LRRC4C: variants seen among roughly 807,000 people sequenced by gnomAD.
The protein encoded by LRRC4C is leucine rich repeat containing 4C, also known as leucine-rich repeat-containing protein 4C.
In LRRC4C, 5 loss-of-function variants were observed where a neutral mutation model predicts 33.6. The ratio of observed to expected loss-of-function variants is 0.15; its 90% CI spans 0.08 to 0.31. LRRC4C has a LOEUF of 0.31. Ranked by LOEUF, LRRC4C falls within the 10% of genes least tolerant of loss-of-function variation. LRRC4C has a pLI of 1.00. For synonymous variants in LRRC4C, 329 were observed against 302.0 expected (o/e 1.09, Z -0.93); for missense variants, 560 against 796.7 (o/e 0.70, Z 3.58).
At position 40,987,650 on chromosome 11, in the gene LRRC4C, TATCTC is replaced by T. The variant is rs199815273; in HGVS notation, c.-495-53932_-495-53928del. ...GTAATGATATATATATATATATATA[TATCTC>T]ATATATATGAGATATAAATGATATA... On this transcript the variant is annotated intron_variant, in intron 1 of 6. Transcript: ENST00000528697. Among the ~76,000 whole-genome samples, 175 of 46,140 alleles carry T rather than the reference TATCTC, an allele frequency of 3.8e-3. 10 individuals carry two copies. The highest frequency in any genetic ancestry group is 0.012 in the African/African-American group (153 of 12,534). The allele number at this position is 46,140 out of a possible 152,430, so 30.3% of individuals were successfully genotyped here.
At chr11:41,301,260 G>A (rs997777369) in intron 1 of LRRC4C, among the ~76,000 whole-genome samples, 6 of 152,084 alleles carry the variant, frequency 3.9e-5, no homozygotes, top group East Asian at 3.9e-4. Flanking sequence ...TTGGAATTAC[G>A]TCATTTACTT....
intron 2 of LRRC4C, among the ~76,000 whole-genome samples, chr11:40,917,095 G>A (rs932437303): frequency 1.3e-5 from 2 of 152,028 alleles, no homozygotes; most frequent in African/African-American, 4.8e-5. Flanking sequence ...TGTTTCCCAG[G>A]AGTGTTAATG....
At chr11:40,813,615 A>G (rs113818367) in intron 2 of LRRC4C, among the ~76,000 whole-genome samples, 4,397 of 152,196 alleles carry the variant, frequency 0.029, 217 homozygotes, top group African/African-American at 0.1. Flanking sequence ...ATGCCTTCCC[A>G]ATAGTCCCCA....
At chr11:41,435,008 C>T (rs9943573) in intron 1 of LRRC4C, among the ~76,000 whole-genome samples, 2 of 152,176 alleles carry the variant, frequency 1.3e-5, no homozygotes, top group African/African-American at 4.8e-5. Flanking sequence ...CTACTTTCAG[C>T]CAACCTCAGC....
chr11:40,213,336 CACTGAGTA>C (rs1863745090), intron 5 of LRRC4C, among the ~76,000 whole-genome samples: 1 of 152,078 alleles, frequency 6.6e-6, no homozygotes, highest in Non-Finnish European at 1.5e-5. Flanking sequence ...AACATGATGG[CACTGAGTA>C]TTGCCAGCAC....
intron 5 of LRRC4C, among the ~76,000 whole-genome samples, chr11:40,159,054 A>C (rs1858942599): frequency 6.6e-6 from 1 of 152,156 alleles, no homozygotes; most frequent in African/African-American, 2.4e-5. Context: ...TTGTAATTAT[A>C]CTACACTGCG....
At chr11:40,725,120 T>A (rs1431608627) in intron 2 of LRRC4C, among the ~76,000 whole-genome samples, 1 of 152,192 alleles carries the variant, frequency 6.6e-6, no homozygotes. Flanking sequence ...CCTCAAGTGA[T>A]GCCTCCCAAG....
intron 1 of LRRC4C, among the ~76,000 whole-genome samples, chr11:41,012,381 G>T (rs906790796): frequency 1.3e-5 from 2 of 152,032 alleles, no homozygotes; most frequent in African/African-American, 4.8e-5. Flanking sequence ...ATGATATCCA[G>T]TTCCATCCAT....
intron 1 of LRRC4C, among the ~76,000 whole-genome samples, chr11:41,322,062 A>G (rs190203691): frequency 2.6e-3 from 395 of 151,998 alleles, no homozygotes; most frequent in Non-Finnish European, 4.7e-3. Flanking sequence ...ATGGGGTTTT[A>G]CCATGTTGGC....
chr11:41,243,443 T>C (rs1183349978), intron 1 of LRRC4C, among the ~76,000 whole-genome samples: 1 of 152,198 alleles, frequency 6.6e-6, no homozygotes, highest in South Asian at 2.1e-4. Context: ...AGCCAACTAT[T>C]GATAACTATT....
rs143484390 is a variant in LRRC4C at position 41,066,430 on chromosome 11, C to T, written c.-495-132707G>A. On this transcript the variant is annotated intron_variant, in intron 1 of 6. Coordinates refer to ENST00000528697, the MANE Select transcript of LRRC4C (RefSeq NM_001258419.2). ...TATGGGATTATGTAAAAAGACCGAA[C>T]CTGTGATTAATTGGAGTACCTGCAA... Among the ~76,000 whole-genome samples, 1,258 of 152,218 alleles carry T rather than the reference C, an allele frequency of 8.3e-3. 8 individuals are homozygous for T. Among genetic ancestry groups the T allele is most frequent in the Non-Finnish European group, 0.012 (832 of 68,014 alleles).
intron 1 of LRRC4C, among the ~76,000 whole-genome samples, chr11:41,061,143 A>T (rs1391334333): frequency 6.6e-6 from 1 of 152,194 alleles, no homozygotes; most frequent in Non-Finnish European, 1.5e-5. Context: ...TTATCATACT[A>T]TATTGAATAA....
chr11:40,885,269 T>C (rs1438650014), intron 2 of LRRC4C, among the ~76,000 whole-genome samples: 2 of 151,426 alleles, frequency 1.3e-5, no homozygotes, highest in Non-Finnish European at 2.9e-5. Flanking sequence ...AGCTAAAATA[T>C]GGACACTGTA....
intron 6 of LRRC4C, among the ~76,000 whole-genome samples, chr11:40,126,960 A>G (rs971347455): frequency 8.0e-6 from 1 of 125,260 alleles, no homozygotes; most frequent in African/African-American, 4.4e-5. Flanking sequence ...ACTTTGTCTC[A>G]AAAAAAAAAA....
intron 2 of LRRC4C, among the ~76,000 whole-genome samples, chr11:40,885,100 A>T (rs1955387275): frequency 6.6e-6 from 1 of 152,082 alleles, no homozygotes; most frequent in African/African-American, 2.4e-5. Context: ...ATCCTTGTTA[A>T]CAAAAATGCA....
At chr11:40,623,136 ACAAGAGT>A (rs1246736735) in intron 3 of LRRC4C, among the ~76,000 whole-genome samples, 1 of 151,778 alleles carries the variant, frequency 6.6e-6, no homozygotes, top group African/African-American at 2.4e-5. Context: ...TAGCTAGCTA[ACAAGAGT>A]CAAATCTCTG....
intron 1 of LRRC4C, among the ~76,000 whole-genome samples, chr11:41,447,612 C>T (rs756826494): frequency 2.0e-5 from 3 of 152,126 alleles, no homozygotes; most frequent in African/African-American, 4.8e-5. Context: ...GTAAAAGTAC[C>T]GTAACTGACA....
At chr11:40,447,179 G>T in intron 3 of LRRC4C, 1 of 159,890 alleles carries the variant, frequency 6.3e-6, no homozygotes. Context: ...CTCAACTCAA[G>T]TCATCAGCCT....
At chr11:41,314,275 G>A (rs1950721522) in intron 1 of LRRC4C, among the ~76,000 whole-genome samples, 1 of 152,110 alleles carries the variant, frequency 6.6e-6, no homozygotes, top group South Asian at 2.1e-4. Flanking sequence ...AAGTTTCATT[G>A]TATATAGGTA....
Sources: gnomAD v4.1 joint callset for allele counts (sites outside exome capture counted in the v4.1 genomes callset) on GRCh38, gnomAD v4.1.1 for gene constraint, MANE v1.5 for transcripts, NCBI Gene and HGNC (gene_info 2026-07-23, HGNC 2026-07-21) for gene names.